NR6A1: variants seen among roughly 807,000 people sequenced by gnomAD.
NR6A1 encodes retinoic acid receptor-related testis-associated receptor.
NR6A1 carries 7 observed loss-of-function variants against 59.1 expected under a neutral mutation model. That is an observed-to-expected ratio of 0.12 (90% CI 0.07 to 0.22). NR6A1 has a LOEUF of 0.22. Ranked by LOEUF, NR6A1 falls within the 10% of genes least tolerant of loss-of-function variation. The pLI, the probability that NR6A1 is intolerant of heterozygous loss-of-function variation, is 1.00. For synonymous variants in NR6A1, 243 were observed against 236.1 expected, an observed-to-expected ratio of 1.03 and a Z score of -0.27; for missense variants, 468 against 611.6, an observed-to-expected ratio of 0.77 and a Z score of 2.48.
intron 2 of NR6A1, among the ~76,000 whole-genome samples, chr9:124,661,900 T>A (rs1224412468): frequency 6.6e-6 from 1 of 152,188 alleles, no homozygotes; most frequent in Non-Finnish European, 1.5e-5. Context: ...TATAAGACAT[T>A]TCTATCACTG....
At chr9:124,689,167 T>C in intron 2 of NR6A1, among the ~76,000 whole-genome samples, 1 of 152,192 alleles carries the variant, frequency 6.6e-6, no homozygotes. Flanking sequence ...ATTTTATTTA[T>C]TAACATAGAA....
intron 2 of NR6A1, chr9:124,599,535 C>G (rs1835387103): frequency 3.2e-6 from 2 of 629,756 alleles, no homozygotes; most frequent in Non-Finnish European, 5.3e-6. Context: ...TCTTCATTCT[C>G]AATGGAAGTA....
chr9:124,624,910 T>C (rs1171786887), intron 2 of NR6A1, among the ~76,000 whole-genome samples: 2 of 108,544 alleles, frequency 1.8e-5, no homozygotes, highest in Non-Finnish European at 3.6e-5. Context: ...TGTTGCTAGC[T>C]TGTTTTTTTT....
chr9:124,663,233 T>TA (rs948292586), intron 2 of NR6A1, among the ~76,000 whole-genome samples: 3 of 151,828 alleles, frequency 2.0e-5, no homozygotes, highest in Admixed American at 6.6e-5. Context: ...TCTGTGGTTT[T>TA]AAAAAAAAAT....
chr9:124,635,655 G>C (rs1836587656), intron 2 of NR6A1, among the ~76,000 whole-genome samples: 1 of 152,136 alleles, frequency 6.6e-6, no homozygotes, highest in Admixed American at 6.5e-5. Flanking sequence ...CTTTCACTTA[G>C]TAATATGCAT....
rs1483654924 is a variant in NR6A1, at chr9:124,521,100, G to A, written c.*1605C>T. 6.6e-6 allele frequency: 1 copy of A among 152,258 alleles called. No homozygotes were observed. Among genetic ancestry groups the A allele is most frequent in the Admixed American group, 6.5e-5 (1 of 15,282 alleles). The allele number at this position is 152,258 out of a possible 1,614,324, so 9.4% of individuals were successfully genotyped here. On this transcript the variant is annotated 3_prime_UTR_variant, in exon 10 of 10. Coordinates refer to ENST00000487099, the MANE Select transcript of NR6A1 (RefSeq NM_033334.4). ...AAATAGGCAGAAGAAGGTGCCGTGG[G>A]CCCTTCCAACCTACCCAGGCATGCA... is the stretch of plus-strand genomic sequence containing the variant.
At chr9:124,693,076 AC>A (rs1256594037) in intron 2 of NR6A1, among the ~76,000 whole-genome samples, 2 of 152,198 alleles carry the variant, frequency 1.3e-5, no homozygotes, top group African/African-American at 4.8e-5. Context: ...ACTAGTGCCC[AC>A]ATATCCCCAC....
chr9:124,655,153 T>C (rs937320368), intron 2 of NR6A1, among the ~76,000 whole-genome samples: 9 of 152,160 alleles, frequency 5.9e-5, no homozygotes, highest in Non-Finnish European at 1.3e-4. Context: ...AAGGGTATAG[T>C]TCCTAATGCC....
chr9:124,542,765 C>A (rs1833488582), intron 4 of NR6A1, among the ~76,000 whole-genome samples: 1 of 152,074 alleles, frequency 6.6e-6, no homozygotes, highest in Non-Finnish European at 1.5e-5. Flanking sequence ...GCTATGTCGC[C>A]CAGGCTCGTC....
intron 2 of NR6A1, among the ~76,000 whole-genome samples, chr9:124,686,665 C>A (rs1034030144): frequency 6.6e-6 from 1 of 151,042 alleles, no homozygotes; most frequent in Non-Finnish European, 1.5e-5. Flanking sequence ...GAAGTCACTG[C>A]AACAAGGGGA....
At chr9:124,634,133 A>G (rs761588262) in intron 2 of NR6A1, among the ~76,000 whole-genome samples, 1 of 152,254 alleles carries the variant, frequency 6.6e-6, no homozygotes, top group Non-Finnish European at 1.5e-5. Flanking sequence ...TAAACGCTAC[A>G]CAATATTTTT....
intron 1 of NR6A1, among the ~76,000 whole-genome samples, chr9:124,765,961 G>T (rs1189564552): frequency 6.6e-6 from 1 of 152,098 alleles, no homozygotes; most frequent in Non-Finnish European, 1.5e-5. Flanking sequence ...CTTACTAAGG[G>T]TGTTACAGTC....
At chr9:124,581,818 A>G (rs1422589507) in intron 2 of NR6A1, among the ~76,000 whole-genome samples, 2 of 152,204 alleles carry the variant, frequency 1.3e-5, no homozygotes, top group African/African-American at 2.4e-5. Context: ...ACAAACATGA[A>G]AAAAAGCTCA....
rs548914549 is a variant in NR6A1, at chr9:124,535,170, A to G, written c.1079+708T>C. ...TGCCTGGCACACTATAGGCACCAAA[A>G]TGACCCCTAGGTCTCTTTCTTGGAT... On this transcript the variant is annotated intron_variant, in intron 7 of 9. Coordinates refer to ENST00000487099, the MANE Select transcript of NR6A1 (RefSeq NM_033334.4). Among the ~76,000 whole-genome samples, 20 of 152,166 alleles carry G rather than the reference A, an allele frequency of 1.3e-4. No individual in the cohort carries two copies. The South Asian group carries it at 4.0e-3, about 30-fold the overall frequency.
At chr9:124,713,765 T>C (rs911870274) in intron 2 of NR6A1, among the ~76,000 whole-genome samples, 4 of 152,080 alleles carry the variant, frequency 2.6e-5, no homozygotes, top group African/African-American at 4.8e-5. Flanking sequence ...TGTGGAGAAA[T>C]TGGAACCCTA....
chr9:124,621,485 A>T (rs928243798), intron 2 of NR6A1, among the ~76,000 whole-genome samples: 6 of 29,858 alleles, frequency 2.0e-4, no homozygotes, highest in Non-Finnish European at 3.0e-4. Flanking sequence ...AATATCTTTA[A>T]AAAAAAAAAA....
intron 3 of NR6A1, among the ~76,000 whole-genome samples, chr9:124,551,790 T>G (rs1007514251): frequency 6.6e-6 from 1 of 152,170 alleles, no homozygotes; most frequent in Non-Finnish European, 1.5e-5. Context: ...TGGTGTAAAG[T>G]TCTATGGGTT....
In NR6A1 at chr9:124,754,942, C is replaced by G. The variant is rs78572755; in HGVS notation, c.100+16078G>C. Among the ~76,000 whole-genome samples, 672 of 152,232 alleles carry G rather than the reference C, an allele frequency of 4.4e-3. 5 individuals carry two copies. The highest frequency in any genetic ancestry group is 0.015 in the African/African-American group (625 of 41,534). On this transcript the variant is annotated intron_variant, in intron 1 of 9. Coordinates refer to ENST00000487099, the MANE Select transcript of NR6A1 (RefSeq NM_033334.4). ...ACCCTCCACCCAGTATCTCCACCCC[C>G]CTTCCACTCAACTGTCAAAAAAATA... is the stretch of plus-strand genomic sequence containing the variant.
chr9:124,676,492 A>G (rs1837965769), intron 2 of NR6A1, among the ~76,000 whole-genome samples: 1 of 152,170 alleles, frequency 6.6e-6, no homozygotes, highest in Admixed American at 6.6e-5. Flanking sequence ...AGGGAAATAA[A>G]TATTTTCCTT....
Sources: gnomAD v4.1 joint callset for allele counts (sites outside exome capture counted in the v4.1 genomes callset) on GRCh38, gnomAD v4.1.1 for gene constraint, MANE v1.5 for transcripts, NCBI Gene and HGNC (gene_info 2026-07-23, HGNC 2026-07-21) for gene names.